The following CDH10 variants were observed in gnomAD, a reference collection of about 807,000 sequenced individuals.
CDH10 encodes the protein cadherin-10.
Under a neutral mutation model 73.1 loss-of-function variants are expected in CDH10, and 30 were observed. The observed-to-expected ratio is 0.41, with a 90% CI of 0.31 to 0.56. The LOEUF (loss-of-function observed/expected upper bound fraction) is 0.56, where lower values mean the gene tolerates loss of function less well. CDH10 is among the 20% of genes least tolerant of loss of function. The pLI is 0.27. For missense variants in CDH10, 815 were observed against 973.7 expected (o/e 0.84, Z 2.17); for synonymous variants, 345 against 348.2 (o/e 0.99, Z 0.10).
rs1744482975 is a variant in CDH10, at chr5:24,549,892, C to T, written c.232-12218G>A. Among the ~76,000 whole-genome samples the T allele has an allele frequency of 2.0e-5, 3 of 152,068 alleles. No homozygotes were observed. The South Asian group carries it at 6.2e-4, about 32-fold the overall frequency. ...AAGCATTGATTAAAAAAATAACTAG[C>T]AGTATAACATTCTATATTGTATCAA... On this transcript the variant is annotated intron_variant, in intron 2 of 11. Coordinates refer to ENST00000264463, the MANE Select transcript of CDH10 (RefSeq NM_006727.5).
chr5:24,529,203 A>C (rs1743637879), intron 5 of CDH10, among the ~76,000 whole-genome samples: 1 of 152,030 alleles, frequency 6.6e-6, no homozygotes, highest in African/African-American at 2.4e-5. Context: ...TAAAGTCAGT[A>C]GCCCTACAAT....
intron 1 of CDH10, among the ~76,000 whole-genome samples, 167 bp downstream of exon 1, chr5:24,644,427 T>C (rs1748149306): frequency 6.6e-6 from 1 of 152,144 alleles, no homozygotes; most frequent in South Asian, 2.1e-4. Context: ...GAATTAAATA[T>C]ATAGAGTTGT....
chr5:24,593,505 C>G lies in CDH10; in HGVS notation c.-15G>C, dbSNP rs778073383. The G allele has an allele frequency of 7.0e-7, 1 of 1,425,710 alleles. No homozygotes were observed. Among genetic ancestry groups the G allele is most frequent in the African/African-American group, 1.4e-5 (1 of 70,950 alleles). 88.3% of individuals were successfully genotyped at this position (1,425,710 alleles called of 1,614,324 possible). A position where few individuals can be genotyped will look rare whatever the true frequency, so the allele number is the denominator to read the frequency against. On this transcript the variant is annotated 5_prime_UTR_variant, in exon 2 of 12. Coordinates refer to ENST00000264463, the MANE Select transcript of CDH10 (RefSeq NM_006727.5). ...TGTATTGTCATAGTTCACTTCTTGA[C>G]AAATCCCAGTGTAGATGAAGAGAAG... is the stretch of plus-strand genomic sequence containing the variant.
chr5:24,561,251 G>C (rs1744950991), intron 2 of CDH10, among the ~76,000 whole-genome samples: 1 of 152,104 alleles, frequency 6.6e-6, no homozygotes, highest in South Asian at 2.1e-4. Flanking sequence ...GGGTTAAAAA[G>C]CGTAATCTCT....
At chr5:24,541,157 G>C (rs1258554497) in intron 2 of CDH10, among the ~76,000 whole-genome samples, 1 of 151,920 alleles carries the variant, frequency 6.6e-6, no homozygotes. Flanking sequence ...TGGGATACAG[G>C]AACTAAGTAA....
intron 9 of CDH10, among the ~76,000 whole-genome samples, chr5:24,496,461 G>T (rs149234602): frequency 6.6e-6 from 1 of 152,060 alleles, no homozygotes; most frequent in Non-Finnish European, 1.5e-5. Flanking sequence ...CACACGAGGG[G>T]ACTACTAATA....
At chr5:24,524,191 T>A (rs1743441991) in intron 5 of CDH10, among the ~76,000 whole-genome samples, 1 of 152,140 alleles carries the variant, frequency 6.6e-6, no homozygotes, top group Admixed American at 6.6e-5. Context: ...CAAGATTTAT[T>A]GGGTCTATTT....
At chr5:24,606,046 G>A (rs536064792) in intron 1 of CDH10, among the ~76,000 whole-genome samples, 27 of 152,238 alleles carry the variant, frequency 1.8e-4, no homozygotes, top group East Asian at 9.7e-4. Flanking sequence ...AAGAGAGATC[G>A]GTGATGGTTA....
intron 3 of CDH10, among the ~76,000 whole-genome samples, chr5:24,536,686 T>C (rs189973645): frequency 1.3e-3 from 194 of 152,150 alleles, no homozygotes; most frequent in Non-Finnish European, 2.1e-3. Context: ...TTTATGTACA[T>C]TGAAAAGAGA....
chr5:24,556,638 A>C (rs1184867059), intron 2 of CDH10, among the ~76,000 whole-genome samples: 2 of 151,754 alleles, frequency 1.3e-5, no homozygotes, highest in Non-Finnish European at 3.0e-5. Context: ...CTAAAAATTA[A>C]ACATCTTTTT....
At chr5:24,535,501 T>TTA (rs1743918860) in intron 4 of CDH10, among the ~76,000 whole-genome samples, 2 of 152,240 alleles carry the variant, frequency 1.3e-5, no homozygotes, top group East Asian at 3.9e-4. Flanking sequence ...TGGCCTATGC[T>TTA]TATATGTTCA....
intron 2 of CDH10, among the ~76,000 whole-genome samples, chr5:24,563,713 T>C (rs1197227134): frequency 6.9e-6 from 1 of 145,590 alleles, no homozygotes; most frequent in Non-Finnish European, 1.5e-5. Flanking sequence ...GAGCTTGCAG[T>C]GAGCCGAGAT....
intron 2 of CDH10, among the ~76,000 whole-genome samples, chr5:24,542,541 G>A (rs921582316): frequency 2.0e-5 from 3 of 152,158 alleles, no homozygotes; most frequent in African/African-American, 7.2e-5. Flanking sequence ...TAGGTATGTA[G>A]AAGGTTATAC....
intron 2 of CDH10, among the ~76,000 whole-genome samples, chr5:24,590,360 C>T (rs938387449): frequency 1.3e-5 from 2 of 150,400 alleles, no homozygotes; most frequent in Non-Finnish European, 3.0e-5. Context: ...GAAGTGAGTA[C>T]AATAATAGAA....
At chr5:24,574,003 A>G (rs1030874959) in intron 2 of CDH10, among the ~76,000 whole-genome samples, 4 of 151,166 alleles carry the variant, frequency 2.6e-5, no homozygotes, top group Non-Finnish European at 5.9e-5. Context: ...TCCTGCCTCA[A>G]CCTCCCGAGT....
chr5:24,551,216 C>T (rs923294574), intron 2 of CDH10, among the ~76,000 whole-genome samples: 3 of 152,132 alleles, frequency 2.0e-5, no homozygotes, highest in African/African-American at 7.2e-5. Context: ...TTTACTATTC[C>T]ATGGAATGAG....
At chr5:24,526,224 A>G (rs1561141356) in intron 5 of CDH10, among the ~76,000 whole-genome samples, 1 of 151,958 alleles carries the variant, frequency 6.6e-6, no homozygotes. Flanking sequence ...TGTGAATCCC[A>G]TTATGTAAGA....
chr5:24,541,358 T>C (rs896138705), intron 2 of CDH10, among the ~76,000 whole-genome samples: 10 of 152,030 alleles, frequency 6.6e-5, no homozygotes, highest in Middle Eastern at 3.2e-3. Context: ...CCCTCATTCT[T>C]TGTGCGTCTG....
At chr5:24,600,378 T>C (rs1746516041) in intron 1 of CDH10, among the ~76,000 whole-genome samples, 1 of 152,194 alleles carries the variant, frequency 6.6e-6, no homozygotes. Context: ...GAATTATTCC[T>C]TCAGCAATGT....
Sources: gnomAD v4.1 joint callset for allele counts (sites outside exome capture counted in the v4.1 genomes callset) on GRCh38, gnomAD v4.1.1 for gene constraint, MANE v1.5 for transcripts, NCBI Gene and HGNC (gene_info 2026-07-23, HGNC 2026-07-21) for gene names.